ZSCAN25: variants seen among roughly 807,000 people sequenced by gnomAD.
ZSCAN25 encodes zinc finger and SCAN domain containing 25.
In ZSCAN25, 27 loss-of-function variants were observed where a neutral mutation model predicts 38.7. That is an observed-to-expected ratio of 0.70 (90% CI 0.51 to 0.96). The LOEUF (loss-of-function observed/expected upper bound fraction) is 0.96, where lower values mean the gene tolerates loss of function less well. Among genes scored for constraint, ZSCAN25 ranks in the 40% least tolerant of loss-of-function variants. The probability of loss-of-function intolerance (pLI) is 0.00; values close to 1 mark genes in which losing one functional copy is unlikely to be tolerated. For missense variants in ZSCAN25, 637 were observed against 705.9 expected (o/e 0.90, Z 1.11); for synonymous variants, 273 against 277.7 (o/e 0.98, Z 0.17).
rs1002521466 is a variant in ZSCAN25, at chr7:99,632,139, C to T, written c.*2119C>T. On this transcript the variant is annotated 3_prime_UTR_variant, in exon 8 of 8. Coordinates refer to ENST00000394152, the MANE Select transcript of ZSCAN25 (RefSeq NM_145115.3). ...TCTTAAGCTTCAGAAGGAGCTGGGC[C>T]TTGCTGACTTTCCTATCTGGCCTCT... The T allele has an allele frequency of 2.5e-5, 25 of 985,310 alleles. No homozygotes were observed. The highest frequency in any genetic ancestry group is 6.1e-5 in the Admixed American group (1 of 16,266). 61.0% of individuals were successfully genotyped at this position (985,310 alleles called of 1,614,324 possible).
the ZSCAN25 span, among the ~76,000 whole-genome samples, chr7:99,734,399 T>C: frequency 6.6e-6 from 1 of 152,100 alleles, no homozygotes; most frequent in Non-Finnish European, 1.5e-5. Flanking sequence ...AAGGGAAAAA[T>C]GTAAAATCCA....
downstream of ZSCAN25, among the ~76,000 whole-genome samples, chr7:99,634,171 T>TC (rs1808173453): frequency 1.3e-5 from 2 of 152,220 alleles, no homozygotes; most frequent in Non-Finnish European, 2.9e-5. Flanking sequence ...CTCTGTTTTC[T>TC]CCCCTGGGTG....
chr7:99,717,371 T>G, the ZSCAN25 span: 10 of 1,601,272 alleles, frequency 6.2e-6, no homozygotes, highest in Non-Finnish European at 7.7e-6. Flanking sequence ...GTATAATGAA[T>G]TTTATGATGT....
chr7:99,630,671 C>T lies in ZSCAN25; in HGVS notation c.*651C>T, dbSNP rs912669813. 1 of 985,464 alleles carries T rather than the reference C, an allele frequency of 1.0e-6. No individual in the cohort carries two copies. The highest frequency in any genetic ancestry group is 1.7e-5 in the African/African-American group (1 of 57,238). The allele number at this position is 985,464 out of a possible 1,614,324, so 61.0% of individuals were successfully genotyped here. A position where few individuals can be genotyped will look rare whatever the true frequency, so the allele number is the denominator to read the frequency against. On this transcript the variant is annotated 3_prime_UTR_variant, in exon 8 of 8. Transcript: ENST00000394152. The stretch of plus-strand genomic sequence containing the variant: ...TTCCCTCCCCAGCTGGGATCTGCTC[C>T]CAGGCAACTGTGTGAATTTTACATT...
At chr7:99,652,097 G>A in the ZSCAN25 span, among the ~76,000 whole-genome samples, 1 of 151,540 alleles carries the variant, frequency 6.6e-6, no homozygotes, top group Non-Finnish European at 1.5e-5. Context: ...AAAACAGAAA[G>A]GAATAAAAAG....
chr7:99,626,274 A>G (rs193267055), intron 7 of ZSCAN25, among the ~76,000 whole-genome samples: 226 of 152,314 alleles, frequency 1.5e-3, no homozygotes, highest in African/African-American at 5.1e-3. Flanking sequence ...ATGAGTGCTC[A>G]GAGGAGTAAG....
rs755771828 is a variant in ZSCAN25, at chr7:99,629,884, G to T, written c.1499G>T (p.Arg500Leu). Residue 500 changes from arginine to leucine, a missense_variant, in exon 8 of 8, where the codon CGG becomes CTG. By Grantham distance (102) the Arg-to-Leu change is moderately radical (BLOSUM62 -2). Transcript: ENST00000394152. The surrounding 1 kb of genome is among the most constrained non-coding windows in gnomAD (Gnocchi z 5.6). ...VCGKRFSKGE[R>L]LVRHQRIHTG... ...GGGAAGCGGTTCAGCAAAGGGGAGC[G>T]GCTGGTCCGACACCAGAGAATCCAT... The T allele has an allele frequency of 1.2e-6, 2 of 1,614,080 alleles. No homozygotes were observed. Among genetic ancestry groups the T allele is most frequent in the African/African-American group, 2.7e-5 (2 of 74,926 alleles).
chr7:99,623,476 A>G (rs951734970), intron 6 of ZSCAN25, among the ~76,000 whole-genome samples: 39 of 152,222 alleles, frequency 2.6e-4, no homozygotes, highest in Admixed American at 2.4e-3. Context: ...ACCTTCCTCA[A>G]GGAGGCGAGT....
chr7:99,638,276 C>T, the ZSCAN25 span: 7 of 1,603,256 alleles, frequency 4.4e-6, no homozygotes, highest in Non-Finnish European at 6.0e-6. Flanking sequence ...ATGTGAGCCC[C>T]TCACAGAGTC....
In ZSCAN25 at chr7:99,630,062, C is replaced by T. The variant is rs1410424431; in HGVS notation, c.*42C>T. 6.8e-7 allele frequency: 1 copy of T among 1,476,064 alleles called. No individual in the cohort carries two copies. Among genetic ancestry groups the T allele is most frequent in the Admixed American group, 2.5e-5 (1 of 40,446 alleles). 91.4% of individuals were successfully genotyped at this position (1,476,064 alleles called of 1,614,324 possible). A position where few individuals can be genotyped will look rare whatever the true frequency, so the allele number is the denominator to read the frequency against. On this transcript the variant is annotated 3_prime_UTR_variant, in exon 8 of 8. Coordinates refer to ENST00000394152, the MANE Select transcript of ZSCAN25 (RefSeq NM_145115.3). ...GCAGCACCATCATTCATCTTTCTCA[C>T]TGCAGGGCCTTGCGGGGTGCAAGGT...
the ZSCAN25 span, among the ~76,000 whole-genome samples, chr7:99,698,372 T>G: frequency 1.3e-5 from 2 of 152,300 alleles, no homozygotes; most frequent in East Asian, 1.9e-4. Flanking sequence ...TGACCTCCAC[T>G]GTGGGGCCAG....
the ZSCAN25 span, chr7:99,652,787 G>C: frequency 6.2e-7 from 1 of 1,604,932 alleles, no homozygotes; most frequent in Non-Finnish European, 8.5e-7. Flanking sequence ...TGCCTGGAAG[G>C]AAAGAAACAG....
the ZSCAN25 span, among the ~76,000 whole-genome samples, chr7:99,713,088 G>A: frequency 1.1e-4 from 16 of 152,104 alleles, no homozygotes; most frequent in African/African-American, 3.9e-4. Flanking sequence ...AAGTAATTGC[G>A]GTTTTTGCCA....
At chr7:99,644,360 A>G in the ZSCAN25 span, among the ~76,000 whole-genome samples, 1 of 152,142 alleles carries the variant, frequency 6.6e-6, no homozygotes, top group Non-Finnish European at 1.5e-5. Flanking sequence ...CTGGAGGGGA[A>G]AGAAGACCCT....
At chr7:99,622,490 C>A in intron 5 of ZSCAN25, 59 bp from the exon 6 acceptor site, 1 of 1,526,998 alleles carries the variant, frequency 6.5e-7, no homozygotes, top group Non-Finnish European at 9.1e-7. Context: ...TTTGAACGAG[C>A]TAACAGCATA....
At chr7:99,714,649 G>A in the ZSCAN25 span, 3 of 1,612,578 alleles carry the variant, frequency 1.9e-6, no homozygotes, top group African/African-American at 4.0e-5. Flanking sequence ...GATATTTAAT[G>A]CTTCAAGAAT....
the ZSCAN25 span, among the ~76,000 whole-genome samples, chr7:99,691,242 A>G: frequency 6.6e-6 from 1 of 151,594 alleles, no homozygotes; most frequent in Admixed American, 6.6e-5. Context: ...GAATTGAACA[A>G]TGAGAACACA....
chr7:99,655,763 G>A, the ZSCAN25 span, among the ~76,000 whole-genome samples: 1 of 152,100 alleles, frequency 6.6e-6, no homozygotes, highest in African/African-American at 2.4e-5. Context: ...ATTGAGCAGT[G>A]GTTTGTAATT....
chr7:99,695,669 A>G, the ZSCAN25 span: 1 of 1,224,168 alleles, frequency 8.2e-7, no homozygotes, highest in Non-Finnish European at 1.2e-6. Flanking sequence ...CCTCCTGAGG[A>G]GAAGCAGTTT....
Sources: allele counts gnomAD v4.1 joint callset (sites outside exome capture counted in the v4.1 genomes callset), GRCh38; gene constraint gnomAD v4.1.1; non-coding constraint Gnocchi (gnomAD v3.1); transcripts MANE v1.5; gene names NCBI Gene and HGNC (gene_info 2026-07-23, HGNC 2026-07-21).